PPP1R16B: variants seen among roughly 807,000 people sequenced by gnomAD.
The protein encoded by PPP1R16B is protein phosphatase 1 regulatory inhibitor subunit 16B.
In PPP1R16B, 14 loss-of-function variants were observed where a neutral mutation model predicts 61.7. That is an observed-to-expected ratio of 0.23 (90% CI 0.15 to 0.35). PPP1R16B has a LOEUF of 0.35. PPP1R16B is among the 10% of genes least tolerant of loss of function. The pLI is 1.00. For missense variants in PPP1R16B, 547 were observed against 752.5 expected, an observed-to-expected ratio of 0.73 and a Z score of 3.19; for synonymous variants, 266 against 305.3, an observed-to-expected ratio of 0.87 and a Z score of 1.34.
intron 2 of PPP1R16B, among the ~76,000 whole-genome samples, chr20:38,857,283 T>C (rs2145734191): frequency 6.6e-6 from 1 of 152,348 alleles, no homozygotes. Flanking sequence ...CCAGCATGTC[T>C]TGGGACAGAT....
chr20:38,827,432 C>T (rs577516961), intron 1 of PPP1R16B, among the ~76,000 whole-genome samples: 189 of 152,322 alleles, frequency 1.2e-3, no homozygotes, highest in African/African-American at 4.4e-3. Flanking sequence ...ATCCTGCCTC[C>T]TCTACCTTCA....
At chr20:38,862,282 T>G (rs1018549723) in intron 2 of PPP1R16B, among the ~76,000 whole-genome samples, 2 of 152,182 alleles carry the variant, frequency 1.3e-5, no homozygotes, top group African/African-American at 4.8e-5. Context: ...GCATAGTGAA[T>G]GTTGAACTGG....
At chr20:38,911,877 GGCTCCTGTGAATAAA>G (rs2066166554) in intron 10 of PPP1R16B, among the ~76,000 whole-genome samples, 1 of 152,084 alleles carries the variant, frequency 6.6e-6, no homozygotes, top group Admixed American at 6.6e-5. Flanking sequence ...TCTTGTTTCT[GGCTCCTGTGAATAAA>G]GCTCCTATAA....
chr20:38,820,306 C>A (rs1427009493), intron 1 of PPP1R16B, among the ~76,000 whole-genome samples: 1 of 152,216 alleles, frequency 6.6e-6, no homozygotes, highest in Non-Finnish European at 1.5e-5. Context: ...TGCCTGTAAT[C>A]CCAGCACTTT....
chr20:38,836,598 T>C (rs963313188), intron 2 of PPP1R16B, among the ~76,000 whole-genome samples: 4 of 152,226 alleles, frequency 2.6e-5, no homozygotes, highest in Non-Finnish European at 5.9e-5. Context: ...GCTCAAGTGA[T>C]CTGCCCGCCA....
chr20:38,917,219 C>A (rs1463304662), intron 10 of PPP1R16B, among the ~76,000 whole-genome samples: 1 of 151,610 alleles, frequency 6.6e-6, no homozygotes, highest in African/African-American at 2.4e-5. Context: ...TTGCTTGAAC[C>A]CGGGAGGCAG....
chr20:38,815,478 G>A (rs546103271), intron 1 of PPP1R16B, among the ~76,000 whole-genome samples: 1 of 152,194 alleles, frequency 6.6e-6, no homozygotes, highest in African/African-American at 2.4e-5. Context: ...CAACATCCTT[G>A]TTTGAACAGT....
intron 2 of PPP1R16B, among the ~76,000 whole-genome samples, chr20:38,848,356 T>A (rs2084947869): frequency 6.6e-6 from 1 of 152,180 alleles, no homozygotes. Flanking sequence ...TGTCCCAACA[T>A]CCCTTCCTTC....
chr20:38,918,472 A>G lies in PPP1R16B; in HGVS notation c.1510A>G (p.Ser504Gly). 2 of 1,613,786 alleles carry G rather than the reference A, an allele frequency of 1.2e-6. No homozygotes were observed. Among genetic ancestry groups the G allele is most frequent in the Non-Finnish European group, 1.7e-6 (2 of 1,179,762 alleles). ...CCCCTTCCTTAGCACACACCTGGGC[A>G]GCAGCATGGCCAGGACGGGCGAGAG... is the stretch of plus-strand genomic sequence containing the variant. The part of the protein sequence containing the change: ...SHPFLSTHLG[S>G]SMARTGESSS... The change falls in exon 11 of 11, where the codon AGC (serine) becomes GGC (glycine). Residue 504 changes from serine to glycine, a missense_variant. Physicochemically the swap from Ser to Gly is moderately conservative, Grantham distance 56. Coordinates refer to ENST00000299824, the MANE Select transcript of PPP1R16B (RefSeq NM_015568.4). The surrounding 1 kb of genome is among the most constrained non-coding windows in gnomAD (Gnocchi z 5.3).
rs375379352 is a variant in PPP1R16B, at chr20:38,892,371, C to T, written c.321+2706C>T. 1.1e-4 allele frequency among the ~76,000 whole-genome samples: 17 copies of T among 152,218 alleles called. No individual in the cohort carries two copies. In the South Asian group the frequency reaches 2.7e-3, roughly 24 times the overall value. On this transcript the variant is annotated intron_variant, in intron 3 of 10. Transcript: ENST00000299824. Reference sequence around the variant, plus strand: ...AGGGAGGCGGGAACTCGCCAGGCTCCGAGTTTAGCTGCATGAAGCTCCTGG... The same window carrying T: ...AGGGAGGCGGGAACTCGCCAGGCTCTGAGTTTAGCTGCATGAAGCTCCTGG...
chr20:38,853,180 A>G (rs1447248533), intron 2 of PPP1R16B, among the ~76,000 whole-genome samples: 1 of 152,214 alleles, frequency 6.6e-6, no homozygotes, highest in Non-Finnish European at 1.5e-5. Context: ...AACAATCGCC[A>G]AAGCTGGAGC....
At chr20:38,829,873 G>A (rs1016012886) in intron 1 of PPP1R16B, among the ~76,000 whole-genome samples, 8 of 152,350 alleles carry the variant, frequency 5.3e-5, no homozygotes, top group Admixed American at 3.9e-4. Flanking sequence ...AATCAAGAGG[G>A]AGCTGTCCTC....
chr20:38,861,056 C>T (rs1365154129), intron 2 of PPP1R16B, among the ~76,000 whole-genome samples: 2 of 152,202 alleles, frequency 1.3e-5, no homozygotes, highest in Admixed American at 1.3e-4. Context: ...TTATGCTCCC[C>T]TTTTATGCCC....
Position 38,918,647 on chromosome 20 carries a change from GCT to G in PPP1R16B, c.1686_1687del (p.Cys563LeufsTer9). On this transcript the variant is annotated frameshift_variant, in exon 11 of 11. Transcript: ENST00000299824. LOFTEE classifies it high-confidence loss of function. The surrounding 1 kb of genome is among the most constrained non-coding windows in gnomAD (Gnocchi z 5.3). Reference sequence around the variant, plus strand: ...GAGGAGATGGAGGAGAAGGTGCATGGCTGTTGCCGTATCTCCTAGTCTCCGTG... The same window carrying G: ...GAGGAGATGGAGGAGAAGGTGCATGGGTTGCCGTATCTCCTAGTCTCCGTG... The G allele has an allele frequency of 6.6e-7, 1 of 1,513,770 alleles. No individual in the cohort carries two copies. The highest frequency in any genetic ancestry group is 8.8e-7 in the Non-Finnish European group (1 of 1,132,424). The allele number at this position is 1,513,770 out of a possible 1,614,324, so 93.8% of individuals were successfully genotyped here.
chr20:38,820,334 G>A (rs1229998164), intron 1 of PPP1R16B, among the ~76,000 whole-genome samples: 3 of 152,124 alleles, frequency 2.0e-5, no homozygotes, highest in Non-Finnish European at 4.4e-5. Flanking sequence ...CGAGGCGAGC[G>A]GATCACCTCA....
chr20:38,876,441 G>A (rs986447726), intron 2 of PPP1R16B, among the ~76,000 whole-genome samples: 1 of 152,126 alleles, frequency 6.6e-6, no homozygotes, highest in African/African-American at 2.4e-5. Flanking sequence ...CATAACAAGG[G>A]AGCGTGTGTT....
At chr20:38,858,644 T>G (rs2085025371) in intron 2 of PPP1R16B, among the ~76,000 whole-genome samples, 1 of 152,084 alleles carries the variant, frequency 6.6e-6, no homozygotes, top group African/African-American at 2.4e-5. Context: ...GAAGGGGATA[T>G]GATTCAGACC....
intron 3 of PPP1R16B, among the ~76,000 whole-genome samples, chr20:38,890,362 C>T (rs944158722): frequency 1.3e-5 from 2 of 152,212 alleles, no homozygotes; most frequent in Admixed American, 6.5e-5. Context: ...CAAGGCTGCA[C>T]GAGGCTGGGC....
At chr20:38,882,095 G>A (rs2085207279) in intron 2 of PPP1R16B, among the ~76,000 whole-genome samples, 1 of 152,186 alleles carries the variant, frequency 6.6e-6, no homozygotes. Flanking sequence ...TGGATTATGA[G>A]GACTAATTGA....
Sources: gnomAD v4.1 joint callset for allele counts (sites outside exome capture counted in the v4.1 genomes callset) on GRCh38, gnomAD v4.1.1 for gene constraint, Gnocchi (gnomAD v3.1) non-coding constraint, MANE v1.5 for transcripts, NCBI Gene and HGNC (gene_info 2026-07-23, HGNC 2026-07-21) for gene names.